Variants in KDM5A observed in about 807,000 individuals in gnomAD.
KDM5A encodes the protein lysine-specific demethylase 5A.
A neutral mutation model predicts 193.5 loss-of-function variants in KDM5A; 42 were observed. The ratio of observed to expected loss-of-function variants is 0.22; its 90% CI spans 0.17 to 0.28. The LOEUF (loss-of-function observed/expected upper bound fraction) is 0.28. Among genes scored for constraint, KDM5A ranks in the 10% least tolerant of loss-of-function variants. The pLI is 1.00. For missense variants in KDM5A, 1,692 were observed against 2,055.1 expected (o/e 0.82, Z 3.42); for synonymous variants, 796 against 718.1 (o/e 1.11, Z -1.73).
At chr12:285,854 T>C (rs1028730229) in intron 27 of KDM5A, among the ~76,000 whole-genome samples, 192 bp from the exon 28 acceptor site, 2 of 152,208 alleles carry the variant, frequency 1.3e-5, no homozygotes, top group African/African-American at 2.4e-5. Flanking sequence ...TATTTCACCA[T>C]AGTGTGTCCA....
At chr12:357,568 G>C (rs1185494509) in intron 5 of KDM5A, among the ~76,000 whole-genome samples, 3 of 151,668 alleles carry the variant, frequency 2.0e-5, no homozygotes, top group Admixed American at 2.0e-4. Context: ...GGTGGCTCAT[G>C]CCTGTAATCC....
intron 4 of KDM5A, among the ~76,000 whole-genome samples, chr12:363,700 A>G (rs1944319045): frequency 6.6e-6 from 1 of 152,204 alleles, no homozygotes; most frequent in Non-Finnish European, 1.5e-5. Context: ...AAAGAAGAAA[A>G]TCTTTGTGAC....
chr12:340,225 A>G (rs1274391827), intron 10 of KDM5A, among the ~76,000 whole-genome samples: 1 of 152,100 alleles, frequency 6.6e-6, no homozygotes. Flanking sequence ...TTGCGACTCC[A>G]TCTGGCTCTC....
intron 24 of KDM5A, among the ~76,000 whole-genome samples, chr12:304,682 T>C (rs780374813): frequency 1.3e-5 from 2 of 152,128 alleles, no homozygotes; most frequent in African/African-American, 2.4e-5. Flanking sequence ...AAGATTCTCA[T>C]ATAAATTCCT....
intron 3 of KDM5A, among the ~76,000 whole-genome samples, chr12:375,240 C>G (rs1479746133): frequency 6.6e-6 from 1 of 152,238 alleles, no homozygotes; most frequent in Admixed American, 6.5e-5. Flanking sequence ...GGTCTTTTCA[C>G]ATAGTCCCAC....
At chr12:306,697 C>T (rs1273921847) in intron 24 of KDM5A, among the ~76,000 whole-genome samples, 1 of 150,516 alleles carries the variant, frequency 6.6e-6, no homozygotes, top group East Asian at 1.9e-4. Context: ...GAACAGAGAT[C>T]GCGCCATTGC....
chr12:288,517 T>C (rs1176116316), intron 27 of KDM5A, among the ~76,000 whole-genome samples: 1 of 152,216 alleles, frequency 6.6e-6, no homozygotes, highest in Non-Finnish European at 1.5e-5. Context: ...GCTGTATGGT[T>C]TCATATTCAC....
At chr12:379,741 C>T (rs1383693101) in intron 3 of KDM5A, among the ~76,000 whole-genome samples, 6 of 152,010 alleles carry the variant, frequency 3.9e-5, no homozygotes, top group African/African-American at 9.7e-5. Context: ...TCCAATAAAC[C>T]GTCAGATAAG....
intron 9 of KDM5A, among the ~76,000 whole-genome samples, 166 bp from the exon 10 acceptor site, chr12:350,945 G>C (rs1269863557): frequency 1.3e-5 from 2 of 152,078 alleles, no homozygotes; most frequent in African/African-American, 4.8e-5. Context: ...ATGAGAACAG[G>C]GAAAAGCTGA....
chr12:357,534 T>A (rs1189171852), intron 5 of KDM5A, among the ~76,000 whole-genome samples: 2 of 150,892 alleles, frequency 1.3e-5, no homozygotes, highest in East Asian at 3.9e-4. Context: ...TCTTAAAGAA[T>A]AAGTCCTTCT....
chr12:366,113 A>G lies in KDM5A; in HGVS notation c.367-9T>C. The G allele has an allele frequency of 2.5e-6, 4 of 1,613,684 alleles. No individual in the cohort carries two copies. The highest frequency in any genetic ancestry group is 3.4e-6 in the Non-Finnish European group (4 of 1,179,800). ...CCTTTGCTGGCAACAATCTGAAAAG[A>G]AAGTAAAAGTTGCTTAGAGAAAAAA... On this transcript the variant is annotated splice_polypyrimidine_tract_variant and intron_variant, in intron 3 of 27. Transcript: ENST00000399788.
At chr12:295,256 GA>G (rs1316436618) in intron 26 of KDM5A, among the ~76,000 whole-genome samples, 4 of 116,354 alleles carry the variant, frequency 3.4e-5, no homozygotes, top group Admixed American at 8.8e-5. Context: ...AAGGGGAAAG[GA>G]GAAAGGGGAA....
Position 280,563 on chromosome 12 carries a change from A to C in KDM5A, c.*4893T>G. The C allele has an allele frequency of 4.3e-6, 1 of 233,186 alleles. No homozygotes were observed. Among genetic ancestry groups the C allele is most frequent in the Middle Eastern group, 1.3e-3 (1 of 786 alleles). 14.4% of individuals were successfully genotyped at this position (233,186 alleles called of 1,614,324 possible). A position where few individuals can be genotyped will look rare whatever the true frequency, so the allele number is the denominator to read the frequency against. ...GCAAGCAGAGTCTTAACATTTTCAG[A>C]AATGATCCGTCCTTCATATCTGCAT... On this transcript the variant is annotated 3_prime_UTR_variant, in exon 28 of 28. Transcript: ENST00000399788.
chr12:352,491 A>C (rs913000786), intron 8 of KDM5A, among the ~76,000 whole-genome samples, 167 bp from the exon 9 acceptor site: 5 of 152,206 alleles, frequency 3.3e-5, no homozygotes, highest in African/African-American at 1.2e-4. Flanking sequence ...TCAGGAAGTT[A>C]TTTTCTAGAG....
In KDM5A at chr12:389,234, G is replaced by A. The variant is rs554689786; in HGVS notation, c.-143C>T. The stretch of plus-strand genomic sequence containing the variant: ...AGAACCGTTCAACACAGAAACCCCA[G>A]AATCGCTTCCTCCTCCCGTTTGTTA... On this transcript the variant is annotated 5_prime_UTR_variant, in exon 1 of 28. Transcript: ENST00000399788. The A allele has an allele frequency of 1.2e-5, 10 of 824,974 alleles. No homozygotes were observed. The highest frequency in any genetic ancestry group is 3.3e-5 in the African/African-American group (2 of 60,578). The allele number at this position is 824,974 out of a possible 1,614,324, so 51.1% of individuals were successfully genotyped here. A position where few individuals can be genotyped will look rare whatever the true frequency, so the allele number is the denominator to read the frequency against.
At chr12:343,693 C>T (rs1209502748) in intron 10 of KDM5A, among the ~76,000 whole-genome samples, 5 of 152,170 alleles carry the variant, frequency 3.3e-5, no homozygotes, top group Admixed American at 6.5e-5. Flanking sequence ...AGAAGGAAAA[C>T]TAACAAACAG....
intron 24 of KDM5A, among the ~76,000 whole-genome samples, chr12:301,587 A>G (rs1398275410): frequency 6.6e-6 from 1 of 152,236 alleles, no homozygotes; most frequent in Non-Finnish European, 1.5e-5. Context: ...GAATGGGTAA[A>G]AACTGGAAGC....
At chr12:354,418 CAG>C (rs1362495168) in intron 7 of KDM5A, among the ~76,000 whole-genome samples, 184 bp from the exon 8 acceptor site, 2 of 152,054 alleles carry the variant, frequency 1.3e-5, no homozygotes, top group African/African-American at 2.4e-5. Context: ...AATTTCCTTC[CAG>C]AGTTTTTACA....
intron 3 of KDM5A, among the ~76,000 whole-genome samples, chr12:379,790 T>C (rs901495573): frequency 6.6e-6 from 1 of 152,210 alleles, no homozygotes; most frequent in Non-Finnish European, 1.5e-5. Flanking sequence ...TTCAATAAGT[T>C]TTCTGAATAT....
Sources: allele counts gnomAD v4.1 joint callset (sites outside exome capture counted in the v4.1 genomes callset), GRCh38; gene constraint gnomAD v4.1.1; transcripts MANE v1.5; gene names NCBI Gene and HGNC (gene_info 2026-07-23, HGNC 2026-07-21).